The following SKOR2 variants were observed in gnomAD, a reference collection of about 807,000 sequenced individuals.
SKOR2 encodes the protein SKI family transcriptional corepressor 2.
A neutral mutation model predicts 69.1 loss-of-function variants in SKOR2; 47 were observed. That is an observed-to-expected ratio of 0.68 (90% CI 0.54 to 0.87). The LOEUF (loss-of-function observed/expected upper bound fraction) is 0.87, where lower values mean the gene tolerates loss of function less well. Ranked by LOEUF, SKOR2 falls within the 40% of genes least tolerant of loss-of-function variation. SKOR2 has a pLI of 0.00. For missense variants in SKOR2, 1,404 were observed against 1,472.2 expected (o/e 0.95, Z 0.76); for synonymous variants, 717 against 672.6 (o/e 1.07, Z -1.02).
chr18:47,230,971 G>A lies in SKOR2; in HGVS notation c.2782C>T (p.His928Tyr), dbSNP rs2064195593. 4 of 1,528,438 alleles carry A rather than the reference G, an allele frequency of 2.6e-6. No homozygotes were observed. The highest frequency in any genetic ancestry group is 1.4e-5 in the African/African-American group (1 of 72,704). 94.7% of individuals were successfully genotyped at this position (1,528,438 alleles called of 1,614,324 possible). A position where few individuals can be genotyped will look rare whatever the true frequency, so the allele number is the denominator to read the frequency against. Residue 928 changes from histidine (H) to tyrosine (Y), a missense_variant, in exon 5 of 9, where the codon CAT becomes TAT. Around this residue, in one of 3 missense-constraint regions of SKOR2, gnomAD observed 1,266 missense variants for 1,309.9 expected, o/e 0.97. Coordinates refer to ENST00000425639, the MANE Select transcript of SKOR2 (RefSeq NM_001278063.4). ...GEHTQETNSP[H>Y]SLKKDVENMG... ...TTTTCTACATCCTTTTTCAGTGAAT[G>A]AGGTGAGTTGGTTTCTTGTGTATGT...
In SKOR2 at chr18:47,246,732, T is replaced by C; in HGVS notation, c.2452A>G (p.Arg818Gly). 2.1e-6 allele frequency: 3 copies of C among 1,434,982 alleles called. No homozygotes were observed. The highest frequency in any genetic ancestry group is 1.8e-6 in the Non-Finnish European group (2 of 1,107,170). The allele number at this position is 1,434,982 out of a possible 1,614,324, so 88.9% of individuals were successfully genotyped here. ...AGTTTCCCGTCTTCCTGCAGCAGCC[T>C]GGAGGAGTTCAGGCCGAGCGGGAAC... is the stretch of plus-strand genomic sequence containing the variant. ...GAFPLGLNSS[R>G]LLQEDGKLGD... Residue 818 changes from arginine (R) to glycine (G), a missense_variant, in exon 2 of 9, where the codon AGG becomes GGG. Physicochemically the swap from Arg to Gly is moderately radical, Grantham distance 125. This residue lies in a region of SKOR2 where 1,266 missense variants were observed against 1,309.9 expected (regional missense o/e 0.97). Coordinates refer to ENST00000425639, the MANE Select transcript of SKOR2 (RefSeq NM_001278063.4).
At chr18:47,208,154 A>T (rs1172973674) in intron 8 of SKOR2, among the ~76,000 whole-genome samples, 1 of 152,204 alleles carries the variant, frequency 6.6e-6, no homozygotes, top group Non-Finnish European at 1.5e-5. Flanking sequence ...ATGGCATCAG[A>T]TCTGGCACCC....
At chr18:47,245,714 C>T (rs1490609970) in intron 2 of SKOR2, among the ~76,000 whole-genome samples, 153 bp from the exon 3 acceptor site, 1 of 151,562 alleles carries the variant, frequency 6.6e-6, no homozygotes, top group Non-Finnish European at 1.5e-5. Flanking sequence ...TACTTTTTTA[C>T]TTAAATACAT....
Position 47,247,069 on chromosome 18 carries a change from GGGCGGCGGGGGCGGC to G in SKOR2, c.2100_2114del (p.Pro702_Pro706del). The G allele has an allele frequency of 4.3e-6, 6 of 1,390,944 alleles. No homozygotes were observed. Among genetic ancestry groups the G allele is most frequent in the South Asian group, 3.3e-5 (2 of 61,280 alleles). 86.2% of individuals were successfully genotyped at this position (1,390,944 alleles called of 1,614,324 possible). ...GGTGGTGCGGGTGCTGGGCCAGAGG[GGGCGGCGGGGGCGGC>G]GGCGGCGGCGGCGGCGGGGCCGGGT... On this transcript the variant is annotated inframe_deletion, in exon 2 of 9. Transcript: ENST00000425639. This position sits in a 1 kb window ranked among gnomAD's most constrained non-coding sequence, Gnocchi z 6.6.
intron 4 of SKOR2, among the ~76,000 whole-genome samples, chr18:47,233,017 T>C (rs1250366364): frequency 6.6e-6 from 1 of 152,198 alleles, no homozygotes; most frequent in Non-Finnish European, 1.5e-5. Flanking sequence ...TGCATTTTAC[T>C]TGATGACTGT....
At position 47,230,912 on chromosome 18, in the gene SKOR2, A is replaced by G. The variant is rs572583116; in HGVS notation, c.2818+23T>C. 62 of 1,530,684 alleles carry G rather than the reference A, an allele frequency of 4.1e-5. No homozygotes were observed. In the African/African-American group the frequency reaches 7.1e-4, roughly 18 times the overall value. The allele number at this position is 1,530,684 out of a possible 1,614,324, so 94.8% of individuals were successfully genotyped here. Reference sequence around the variant, plus strand: ...GTCGTTTAAAGCTAAGAGAAGTTCTACAGAATTGAAACTTTCATTTACCTT... The same window carrying G: ...GTCGTTTAAAGCTAAGAGAAGTTCTGCAGAATTGAAACTTTCATTTACCTT... On this transcript the variant is annotated intron_variant, in intron 5 of 8. Coordinates refer to ENST00000425639, the MANE Select transcript of SKOR2 (RefSeq NM_001278063.4).
At chr18:47,235,801 AC>A (rs34582222) in intron 4 of SKOR2, among the ~76,000 whole-genome samples, 2,807 of 146,336 alleles carry the variant, frequency 0.019, 93 homozygotes, top group Non-Finnish European at 0.025. Context: ...AAAAAAAAAA[AC>A]AGCCAACAGA....
rs2144518077 is a variant in SKOR2, at chr18:47,247,973, A to G, written c.1211T>C (p.Leu404Pro). 1.5e-6 allele frequency: 2 copies of G among 1,374,592 alleles called. No homozygotes were observed. The highest frequency in any genetic ancestry group is 9.3e-7 in the Non-Finnish European group (1 of 1,069,542). The allele number at this position is 1,374,592 out of a possible 1,614,324, so 85.1% of individuals were successfully genotyped here. A position where few individuals can be genotyped will look rare whatever the true frequency, so the allele number is the denominator to read the frequency against. ...VLQKFPGCGG[L>P]FPHPYTFPAA... ...AGGGAAGGTGTAGGGGTGCGGGAAG[A>G]GCCCGCCGCAGCCCGGGAACTTCTG... The change falls in exon 2 of 9, where the codon CTC (leucine) becomes CCC (proline). Residue 404 changes from leucine to proline, a missense_variant. By Grantham distance (98) the Leu-to-Pro change is moderately conservative. Around this residue, in one of 3 missense-constraint regions of SKOR2, gnomAD observed 1,266 missense variants for 1,309.9 expected, o/e 0.97. Coordinates refer to ENST00000425639, the MANE Select transcript of SKOR2 (RefSeq NM_001278063.4). The surrounding 1 kb of genome is among the most constrained non-coding windows in gnomAD (Gnocchi z 6.6).
chr18:47,246,664 GGGC>G lies in SKOR2; in HGVS notation c.2517_2519del (p.Pro840del). 1 of 1,497,544 alleles carries G rather than the reference GGGC, an allele frequency of 6.7e-7. No individual in the cohort carries two copies. Among genetic ancestry groups the G allele is most frequent in the East Asian group, 2.6e-5 (1 of 37,960 alleles). 92.8% of individuals were successfully genotyped at this position (1,497,544 alleles called of 1,614,324 possible). A position where few individuals can be genotyped will look rare whatever the true frequency, so the allele number is the denominator to read the frequency against. ...CGCCACTCGCCTTCTGGGGGGCCAG[GGGC>G]GGCGGCGGGGGCGGGGGCAGGTCCG... On this transcript the variant is annotated inframe_deletion, in exon 2 of 9. Transcript: ENST00000425639.
intron 8 of SKOR2, among the ~76,000 whole-genome samples, chr18:47,207,922 G>T (rs1437856471): frequency 6.6e-6 from 1 of 152,138 alleles, no homozygotes; most frequent in Non-Finnish European, 1.5e-5. Context: ...AAAAATAGGT[G>T]GGTCATGCCC....
At chr18:47,220,758 AG>A (rs921175541) in intron 6 of SKOR2, among the ~76,000 whole-genome samples, 1 of 152,260 alleles carries the variant, frequency 6.6e-6, no homozygotes, top group Non-Finnish European at 1.5e-5. Context: ...TCCTTTTAAA[AG>A]TGTGGACGTG....
chr18:47,246,670 C>T lies in SKOR2; in HGVS notation c.2514G>A (p.Pro838=). 1.3e-6 allele frequency: 2 copies of T among 1,481,854 alleles called. No homozygotes were observed. The highest frequency in any genetic ancestry group is 2.7e-5 in the East Asian group (1 of 37,690). 91.8% of individuals were successfully genotyped at this position (1,481,854 alleles called of 1,614,324 possible). Residue 838 remains proline (P), a synonymous_variant, in exon 2 of 9, where the codon CCG becomes CCA. Transcript: ENST00000425639. The part of the protein sequence containing the change: ...DPGSDLPPPP[P]PPLAPQKASG... Reference sequence around the variant, plus strand: ...TCGCCTTCTGGGGGGCCAGGGGCGGCGGCGGGGGCGGGGGCAGGTCCGAGC... The same window carrying T: ...TCGCCTTCTGGGGGGCCAGGGGCGGTGGCGGGGGCGGGGGCAGGTCCGAGC...
In SKOR2 at chr18:47,245,478, A is replaced by ATTTTTTTTTT. The variant is rs10670977; in HGVS notation, c.2677+10_2677+19dup. ...ATGCAGGCAAGAAAAGTGGCAGCTGATTTTTTTTTTTTTTTTTACCTGAAA... is the reference window on the plus strand; with the variant it reads ...ATGCAGGCAAGAAAAGTGGCAGCTGATTTTTTTTTTTTTTTTTTTTTTTTTTTACCTGAAA... On this transcript the variant is annotated intron_variant, in intron 3 of 8. Transcript: ENST00000425639. The ATTTTTTTTTT allele has an allele frequency of 0.016, 18,862 of 1,179,388 alleles. 353 individuals carry two copies. Among genetic ancestry groups the ATTTTTTTTTT allele is most frequent in the South Asian group, 0.023 (1,277 of 55,966 alleles). 73.1% of individuals were successfully genotyped at this position (1,179,388 alleles called of 1,614,324 possible). A position where few individuals can be genotyped will look rare whatever the true frequency, so the allele number is the denominator to read the frequency against.
rs541680775 is a variant in SKOR2, at chr18:47,219,125, A to G, written c.2985+818T>C. 1.1e-3 allele frequency among the ~76,000 whole-genome samples: 168 copies of G among 152,356 alleles called. 1 individual carries two copies. The highest frequency in any genetic ancestry group is 3.7e-3 in the African/African-American group (153 of 41,590). ...AAAGGTAGCACGGATCAGTACAGAA[A>G]TGTCAAGAAACCCAAAGTATAATAA... On this transcript the variant is annotated intron_variant, in intron 7 of 8. Transcript: ENST00000425639.
chr18:47,236,191 A>G (rs1462808044), intron 4 of SKOR2, among the ~76,000 whole-genome samples: 2 of 152,022 alleles, frequency 1.3e-5, no homozygotes, highest in Admixed American at 6.6e-5. Flanking sequence ...GGGTTTCACC[A>G]TGTTGCCCAG....
At chr18:47,238,588 G>A (rs1029869304) in intron 4 of SKOR2, among the ~76,000 whole-genome samples, 2 of 152,078 alleles carry the variant, frequency 1.3e-5, no homozygotes, top group Admixed American at 6.5e-5. Flanking sequence ...CTCCCAAAGT[G>A]CTGGGATTAC....
rs1201886815 is a variant in SKOR2 at position 47,247,618 on chromosome 18, G to C, written c.1566C>G (p.Ser522Arg). Residue 522 changes from serine (S) to arginine (R), a missense_variant, in exon 2 of 9, where the codon AGC (serine) becomes AGG (arginine). Coordinates refer to ENST00000425639, the MANE Select transcript of SKOR2 (RefSeq NM_001278063.4). The surrounding 1 kb of genome is among the most constrained non-coding windows in gnomAD (Gnocchi z 6.6). ...GCCCCGGCGGGGGCGCGGCCTCGGCGCTCCCAGCAGCACCGCCTGGCTCAG... is the reference window on the plus strand; with the variant it reads ...GCCCCGGCGGGGGCGCGGCCTCGGCCCTCCCAGCAGCACCGCCTGGCTCAG... The part of the protein sequence containing the change: ...DLAEPGGAAG[S>R]AEAAPPPGQP... 3.9e-6 allele frequency: 5 copies of C among 1,286,456 alleles called. No homozygotes were observed. Among genetic ancestry groups the C allele is most frequent in the Non-Finnish European group, 3.9e-6 (4 of 1,019,564 alleles). The allele number at this position is 1,286,456 out of a possible 1,614,324, so 79.7% of individuals were successfully genotyped here.
chr18:47,220,038 TTAAC>T, intron 6 of SKOR2, 28 bp from the exon 7 acceptor site: 1 of 1,514,722 alleles, frequency 6.6e-7, no homozygotes, highest in Non-Finnish European at 8.9e-7. Context: ...TAGAGAAAGA[TTAAC>T]TAAAGTGTAA....
rs1181109031 is a variant in SKOR2, at chr18:47,247,136, G to A, written c.2048C>T (p.Pro683Leu). 1.9e-5 allele frequency: 24 copies of A among 1,280,634 alleles called. No homozygotes were observed. The highest frequency in any genetic ancestry group is 4.1e-5 in the Admixed American group (1 of 24,588). The allele number at this position is 1,280,634 out of a possible 1,614,324, so 79.3% of individuals were successfully genotyped here. A position where few individuals can be genotyped will look rare whatever the true frequency, so the allele number is the denominator to read the frequency against. Residue 683 changes from proline (P) to leucine (L), a missense_variant, in exon 2 of 9, where the codon CCC becomes CTC. Physicochemically the swap from Pro to Leu is moderately conservative, Grantham distance 98 (BLOSUM62 -3). Coordinates refer to ENST00000425639, the MANE Select transcript of SKOR2 (RefSeq NM_001278063.4). The surrounding 1 kb of genome is among the most constrained non-coding windows in gnomAD (Gnocchi z 6.6). ...GTGGCGCTCGGAACCCGGCTCGTCG[G>A]GCTGCGGGGGCAGCAGCAGAAGCGG... ...PSPLLLLPPQ[P>L]DEPGSERHHP...
Sources: gnomAD v4.1 joint callset for allele counts (sites outside exome capture counted in the v4.1 genomes callset) on GRCh38, gnomAD v4.1.1 for gene constraint, gnomAD v4.1.1 regional missense constraint, Gnocchi (gnomAD v3.1) non-coding constraint, MANE v1.5 for transcripts, NCBI Gene and HGNC (gene_info 2026-07-23, HGNC 2026-07-21) for gene names.